The following COL4A6 variants were observed in gnomAD, a reference collection of about 807,000 sequenced individuals.
The protein encoded by COL4A6 is collagen alpha-6(IV) chain.
A neutral mutation model predicts 126.7 loss-of-function variants in COL4A6; 59 were observed. The observed-to-expected ratio is 0.47, with a 90% CI of 0.38 to 0.58. COL4A6 has a LOEUF of 0.58. Ranked by LOEUF, COL4A6 falls within the 20% of genes least tolerant of loss-of-function variation. The probability of loss-of-function intolerance (pLI) is 0.00; values close to 1 mark genes in which losing one functional copy is unlikely to be tolerated. For synonymous variants in COL4A6, 547 were observed against 496.6 expected (o/e 1.10, Z -1.35); for missense variants, 1,285 against 1,337.3 (o/e 0.96, Z 0.61).
intron 6 of COL4A6, among the ~76,000 whole-genome samples, chrX:108,212,642 G>C (rs2035744767): frequency 9.0e-6 from 1 of 111,039 alleles, no homozygotes; most frequent in African/African-American, 3.3e-5. Flanking sequence ...CCCAGGAGCA[G>C]AAACCGTTTT....
At chrX:108,371,146 C>T (rs2040313876) in intron 2 of COL4A6, among the ~76,000 whole-genome samples, 1 of 110,045 alleles carries the variant, frequency 9.1e-6, no homozygotes, top group Admixed American at 9.8e-5. Flanking sequence ...ACATTCACTA[C>T]GAACTCTACT....
intron 2 of COL4A6, among the ~76,000 whole-genome samples, chrX:108,338,855 C>G (rs2039493424): frequency 8.9e-6 from 1 of 111,853 alleles, no homozygotes; most frequent in Non-Finnish European, 1.9e-5. Context: ...TTAGTTTAGA[C>G]TATAGTATGT....
At chrX:108,344,493 T>C (rs1279168132) in intron 2 of COL4A6, among the ~76,000 whole-genome samples, 1 of 112,067 alleles carries the variant, frequency 8.9e-6, no homozygotes, top group Non-Finnish European at 1.9e-5. Flanking sequence ...AAGATAAAAC[T>C]TGAATTTTGC....
intron 2 of COL4A6, among the ~76,000 whole-genome samples, chrX:108,358,198 G>T (rs1195176913): frequency 9.0e-6 from 1 of 110,763 alleles, no homozygotes; most frequent in Admixed American, 9.6e-5. Flanking sequence ...CAAATTATTT[G>T]ACAGCATGGA....
intron 2 of COL4A6, among the ~76,000 whole-genome samples, chrX:108,322,171 G>A (rs936695438): frequency 5.4e-5 from 6 of 110,425 alleles, no homozygotes; most frequent in South Asian, 3.8e-4. Flanking sequence ...ACACACACAC[G>A]GGCACACACA....
At chrX:108,297,898 C>A (rs1048918274) in intron 3 of COL4A6, among the ~76,000 whole-genome samples, 3 of 108,834 alleles carry the variant, frequency 2.8e-5, no homozygotes, top group Non-Finnish European at 5.7e-5. Flanking sequence ...CCTCTCCTGT[C>A]TTCTCCTTTC....
chrX:108,235,290 C>T (rs1889464728), intron 3 of COL4A6, among the ~76,000 whole-genome samples: 1 of 111,655 alleles, frequency 9.0e-6, no homozygotes, highest in Non-Finnish European at 1.9e-5. Context: ...TCCTGGTAAA[C>T]AATGATTTAT....
intron 2 of COL4A6, among the ~76,000 whole-genome samples, chrX:108,425,579 A>G (rs995142447): frequency 4.6e-5 from 5 of 109,532 alleles, no homozygotes; most frequent in African/African-American, 1.7e-4. Context: ...CTAAAAATAC[A>G]AAAAATTAGC....
chrX:108,420,070 T>C (rs755186758), intron 2 of COL4A6, among the ~76,000 whole-genome samples: 4 of 111,671 alleles, frequency 3.6e-5, no homozygotes, highest in African/African-American at 1.3e-4. Flanking sequence ...GATGTCTTTC[T>C]ACAGGGTGCA....
chrX:108,332,418 G>A (rs1004854991), intron 2 of COL4A6, among the ~76,000 whole-genome samples: 9 of 111,520 alleles, frequency 8.1e-5, no homozygotes, highest in African/African-American at 1.3e-4. Context: ...ACTTCTTTGC[G>A]AAACTTCCTA....
At chrX:108,253,708 G>A (rs1253183671) in intron 3 of COL4A6, among the ~76,000 whole-genome samples, 1 of 111,691 alleles carries the variant, frequency 9.0e-6, no homozygotes, top group Admixed American at 9.5e-5. Context: ...TAAGAATAAA[G>A]GATGCATCCA....
At chrX:108,275,077 C>T (rs2037563497) in intron 3 of COL4A6, among the ~76,000 whole-genome samples, 1 of 111,018 alleles carries the variant, frequency 9.0e-6, no homozygotes, top group African/African-American at 3.3e-5. Context: ...GGGGTATATA[C>T]ATTAGGATGT....
chrX:108,218,045 T>C (rs768256029), intron 5 of COL4A6, among the ~76,000 whole-genome samples: 1 of 112,078 alleles, frequency 8.9e-6, no homozygotes, highest in African/African-American at 3.2e-5. Context: ...TAGGGCTCTC[T>C]TGGCCACAGG....
chrX:108,172,580 G>T, intron 31 of COL4A6, 48 bp from the exon 32 acceptor site: 1 of 1,044,479 alleles, frequency 9.6e-7, no homozygotes, highest in South Asian at 2.2e-5. Context: ...GCTCAGGACT[G>T]CCCACCCTCT....
chrX:108,187,162 G>A lies in COL4A6; in HGVS notation c.1885C>T (p.Arg629Cys), dbSNP rs766762324. 17 of 1,195,920 alleles carry A rather than the reference G, an allele frequency of 1.4e-5. No individual in the cohort carries two copies. Among genetic ancestry groups the A allele is most frequent in the South Asian group, 1.8e-5 (1 of 54,272 alleles). ...GNGLPGLPGP[R>C]GLPGDKGKDG... ...TTGCCTTTATCTCCAGGAAGCCCAC[G>A]GGGTCCAGGAAGTCCTGGTAACCCA... Residue 629 changes from arginine (R) to cysteine (C), a missense_variant, in exon 23 of 45, where the codon CGT becomes TGT. Transcript: ENST00000334504.
intron 2 of COL4A6, among the ~76,000 whole-genome samples, chrX:108,402,465 G>A (rs866975725): frequency 7.3e-5 from 8 of 109,971 alleles, no homozygotes; most frequent in Non-Finnish European, 1.5e-4. Context: ...GATCCTCTCC[G>A]CTGCATGTTT....
At chrX:108,229,573 C>A (rs2036255008) in intron 3 of COL4A6, among the ~76,000 whole-genome samples, 1 of 112,355 alleles carries the variant, frequency 8.9e-6, no homozygotes, top group South Asian at 3.7e-4. Flanking sequence ...GGATCAAAGA[C>A]CACACTTGGA....
chrX:108,387,059 T>C (rs2148155559), intron 2 of COL4A6, among the ~76,000 whole-genome samples: 1 of 111,806 alleles, frequency 8.9e-6, no homozygotes, highest in Non-Finnish European at 1.9e-5. Context: ...GCCTCTGTTC[T>C]GTTCCATTGG....
intron 2 of COL4A6, among the ~76,000 whole-genome samples, chrX:108,435,270 G>A (rs936936462): frequency 5.4e-5 from 6 of 111,870 alleles, no homozygotes; most frequent in African/African-American, 1.9e-4. Flanking sequence ...GGCAAAGTGT[G>A]AAGAAAACAT....
Sources: allele counts gnomAD v4.1 joint callset (sites outside exome capture counted in the v4.1 genomes callset), GRCh38; gene constraint gnomAD v4.1.1; transcripts MANE v1.5; gene names NCBI Gene and HGNC (gene_info 2026-07-23, HGNC 2026-07-21).